Variants in TXN2 observed in about 807,000 individuals in gnomAD.
The protein encoded by TXN2 is thioredoxin, mitochondrial.
A neutral mutation model predicts 14.6 loss-of-function variants in TXN2; 12 were observed. That is an observed-to-expected ratio of 0.82 (90% CI 0.53 to 1.33). TXN2 has a LOEUF of 1.33. TXN2 is among the 40% of genes most tolerant of loss of function. The probability of loss-of-function intolerance (pLI) is 0.00; values close to 1 mark genes in which losing one functional copy is unlikely to be tolerated. For missense variants in TXN2, 173 were observed against 207.7 expected (o/e 0.83, Z 1.03); for synonymous variants, 89 against 81.0 (o/e 1.10, Z -0.53).
chr22:36,472,294 G>C (rs1181644466), intron 3 of TXN2, among the ~76,000 whole-genome samples: 2 of 152,078 alleles, frequency 1.3e-5, no homozygotes, highest in African/African-American at 4.8e-5. Flanking sequence ...AGGAAGGAGA[G>C]ATGAACAGGC....
At chr22:36,475,417 T>A (rs1324034959) in intron 3 of TXN2, among the ~76,000 whole-genome samples, 1 of 152,214 alleles carries the variant, frequency 6.6e-6, no homozygotes, top group Non-Finnish European at 1.5e-5. Context: ...AGTACTCCCA[T>A]CCTCTCTTCC....
chr22:36,479,198 T>C (rs1933447449), intron 2 of TXN2, among the ~76,000 whole-genome samples: 1 of 152,144 alleles, frequency 6.6e-6, no homozygotes, highest in African/African-American at 2.4e-5. Context: ...CCTTATCTCC[T>C]ATTACAAGTG....
chr22:36,477,068 C>T (rs978433966), intron 2 of TXN2, among the ~76,000 whole-genome samples: 1 of 152,150 alleles, frequency 6.6e-6, no homozygotes, highest in Non-Finnish European at 1.5e-5. Flanking sequence ...CAGGCCTCAT[C>T]AGAAGACTCA....
At position 36,480,822 on chromosome 22, in the gene TXN2, G is replaced by T; in HGVS notation, c.16C>A (p.Leu6Ile). 1 of 1,581,352 alleles carries T rather than the reference G, an allele frequency of 6.3e-7. No individual in the cohort carries two copies. The highest frequency in any genetic ancestry group is 1.4e-5 in the African/African-American group (1 of 73,904). ...ACAGAGGCCAGGAACCTCCTCAGAA[G>T]AAGTCGCTGAGCCATCTGTGAGGGA... MAQRL[L>I]LRRFLASVIS... The change falls in exon 2 of 4, where the codon CTT becomes ATT. Residue 6 changes from leucine to isoleucine, a missense_variant. Coordinates refer to ENST00000216185, the MANE Select transcript of TXN2 (RefSeq NM_012473.4).
intron 3 of TXN2, among the ~76,000 whole-genome samples, chr22:36,471,968 T>TAAA (rs59924757): frequency 0.01 from 1,033 of 100,158 alleles, 13 homozygotes; most frequent in East Asian, 0.052. Context: ...AGACCCCCTC[T>TAAA]AAAAAAAAAA....
chr22:36,481,550 C>G lies in TXN2; in HGVS notation c.-1+14G>C, dbSNP rs568608939. On this transcript the variant is annotated intron_variant, in intron 1 of 3. Coordinates refer to ENST00000216185, the MANE Select transcript of TXN2 (RefSeq NM_012473.4). ...CCGCGACACCACCTCGAGCCACCCCCACAGGGCTCCTACCTCCCTGCAATG... is the reference window on the plus strand; with the variant it reads ...CCGCGACACCACCTCGAGCCACCCCGACAGGGCTCCTACCTCCCTGCAATG... 78 of 999,500 alleles carry G rather than the reference C, an allele frequency of 7.8e-5. No homozygotes were observed. Among genetic ancestry groups the G allele is most frequent in the African/African-American group, 7.3e-4 (42 of 57,294 alleles). 61.9% of individuals were successfully genotyped at this position (999,500 alleles called of 1,614,324 possible).
At chr22:36,475,605 T>C (rs1933370766) in intron 3 of TXN2, among the ~76,000 whole-genome samples, 1 of 152,178 alleles carries the variant, frequency 6.6e-6, no homozygotes, top group African/African-American at 2.4e-5. Context: ...AGCTGAATGG[T>C]TGTAGCAGCG....
intron 3 of TXN2, chr22:36,468,492 G>A: frequency 3.2e-6 from 1 of 311,040 alleles, no homozygotes; most frequent in South Asian, 2.4e-5. Flanking sequence ...GGGAGACTGA[G>A]GCTGGAGGAT....
chr22:36,468,450 A>G (rs955466427), intron 3 of TXN2, among the ~76,000 whole-genome samples: 3 of 152,234 alleles, frequency 2.0e-5, no homozygotes, highest in African/African-American at 7.2e-5. Flanking sequence ...TAGGCTGGGC[A>G]CAGTGGCTTA....
At chr22:36,470,428 T>C (rs1424669717) in intron 3 of TXN2, among the ~76,000 whole-genome samples, 2 of 152,226 alleles carry the variant, frequency 1.3e-5, no homozygotes, top group Non-Finnish European at 2.9e-5. Flanking sequence ...TGGTGCCCTC[T>C]AGTGGTCTGC....
intron 2 of TXN2, among the ~76,000 whole-genome samples, chr22:36,478,698 C>T (rs1031590396): frequency 2.0e-5 from 3 of 152,294 alleles, no homozygotes; most frequent in African/African-American, 7.2e-5. Context: ...CATAATGGCT[C>T]ACACCTGTAA....
intron 3 of TXN2, among the ~76,000 whole-genome samples, chr22:36,474,572 C>T (rs9619607): frequency 0.057 from 8,644 of 152,234 alleles, 361 homozygotes; most frequent in Non-Finnish European, 0.091. Flanking sequence ...AGGCTCACTC[C>T]GGCCAGGTTA....
chr22:36,470,352 A>G (rs1010665420), intron 3 of TXN2, among the ~76,000 whole-genome samples: 1 of 152,198 alleles, frequency 6.6e-6, no homozygotes, highest in Non-Finnish European at 1.5e-5. Flanking sequence ...CTCCAGGCAG[A>G]GCAGGGCCCG....
intron 2 of TXN2, among the ~76,000 whole-genome samples, chr22:36,478,296 T>C (rs1322700765): frequency 2.0e-5 from 3 of 152,158 alleles, no homozygotes; most frequent in Non-Finnish European, 1.5e-5. Context: ...TCTCTATGTA[T>C]GTGGCACCAA....
Position 36,467,854 on chromosome 22 carries a change from T to C in TXN2, c.451A>G (p.Ile151Val). Residue 151 changes from isoleucine (I) to valine (V), a missense_variant, in exon 4 of 4, where the codon ATC becomes GTC. Ile to Val is a conservative substitution (Grantham distance 29). Coordinates refer to ENST00000216185, the MANE Select transcript of TXN2 (RefSeq NM_012473.4). ...GCCTCCAACTGATCCTCATCCTTGA[T>C]GCCCACAAACTTGTCCACCACGTCC... ...NGDVVDKFVG[I>V]KDEDQLEAFL... is the part of the protein sequence containing the mutation. 6.2e-7 allele frequency: 1 copy of C among 1,614,210 alleles called. No homozygotes were observed. The highest frequency in any genetic ancestry group is 8.5e-7 in the Non-Finnish European group (1 of 1,180,038).
chr22:36,475,594 C>T (rs1159033830), intron 3 of TXN2, among the ~76,000 whole-genome samples: 1 of 152,208 alleles, frequency 6.6e-6, no homozygotes, highest in Admixed American at 6.5e-5. Context: ...GCTACGAGCC[C>T]AGCTGAATGG....
intron 3 of TXN2, among the ~76,000 whole-genome samples, chr22:36,473,854 G>A (rs914687290): frequency 2.6e-5 from 4 of 152,214 alleles, no homozygotes; most frequent in Non-Finnish European, 4.4e-5. Flanking sequence ...TCCCGGGGAC[G>A]GTCCTCGGCA....
chr22:36,476,673 T>TC, intron 3 of TXN2, 60 bp downstream of exon 3: 1 of 1,607,900 alleles, frequency 6.2e-7, no homozygotes, highest in Non-Finnish European at 8.5e-7. Flanking sequence ...ACACCAGCTA[T>TC]CCCTGGGCCT....
intron 3 of TXN2, among the ~76,000 whole-genome samples, chr22:36,472,145 A>G (rs8139441): frequency 0.024 from 3,593 of 152,300 alleles, 139 homozygotes; most frequent in African/African-American, 0.083. Context: ...TCAAATGCAA[A>G]ATGCCAAGTG....
Sources: allele counts gnomAD v4.1 joint callset (sites outside exome capture counted in the v4.1 genomes callset), GRCh38; gene constraint gnomAD v4.1.1; transcripts MANE v1.5; gene names NCBI Gene and HGNC (gene_info 2026-07-23, HGNC 2026-07-21).